BNC2: variants seen among roughly 807,000 people sequenced by gnomAD.
BNC2 encodes the protein zinc finger protein basonuclin-2.
In BNC2, 20 loss-of-function variants were observed where a neutral mutation model predicts 76.3. The ratio of observed to expected loss-of-function variants is 0.26; its 90% CI spans 0.18 to 0.38. The LOEUF is 0.38. Among genes scored for constraint, BNC2 ranks in the 10% least tolerant of loss-of-function variants. BNC2 has a pLI of 1.00. For synonymous variants in BNC2, 582 were observed against 514.8 expected (o/e 1.13, Z -1.77); for missense variants, 1,382 against 1,399.8 (o/e 0.99, Z 0.20).
intron 3 of BNC2, among the ~76,000 whole-genome samples, chr9:16,652,998 G>C (rs958089497): frequency 6.6e-6 from 1 of 152,066 alleles, no homozygotes; most frequent in East Asian, 1.9e-4. Flanking sequence ...TTGAACTCTT[G>C]ATTTCAAAAT....
chr9:16,821,966 G>A lies in BNC2; in HGVS notation c.3+48680C>T, dbSNP rs551626906. ...AAGTTAGCCAGGTGCGGTGGCGGGC[G>A]CCTGGAGTCCCAGCTACTCGGGAGG... On this transcript the variant is annotated intron_variant, in intron 1 of 6. Transcript: ENST00000380672. Among the ~76,000 whole-genome samples, 539 of 151,844 alleles carry A rather than the reference G, an allele frequency of 3.5e-3. 1 individual carries two copies. The highest frequency in any genetic ancestry group is 0.01 in the African/African-American group (427 of 41,400).
At chr9:16,643,004 AAACTGCTGTCATGGT>A (rs1821529895) in intron 3 of BNC2, among the ~76,000 whole-genome samples, 2 of 152,172 alleles carry the variant, frequency 1.3e-5, no homozygotes, top group South Asian at 2.1e-4. Context: ...TAACCCTGTA[AAACTGCTGTCATGGT>A]GCCAGGCCAA....
At chr9:16,545,984 G>T (rs1046140881) in intron 5 of BNC2, among the ~76,000 whole-genome samples, 1 of 152,198 alleles carries the variant, frequency 6.6e-6, no homozygotes, top group African/African-American at 2.4e-5. Context: ...GCCACTAGTA[G>T]TATTTCAGGA....
chr9:16,682,734 T>TA (rs1260019202), intron 3 of BNC2, among the ~76,000 whole-genome samples: 1 of 152,214 alleles, frequency 6.6e-6, no homozygotes, highest in Non-Finnish European at 1.5e-5. Flanking sequence ...TTATTTACTC[T>TA]AATTTTTTAA....
At chr9:16,527,222 G>C (rs914110687) in intron 5 of BNC2, among the ~76,000 whole-genome samples, 1 of 152,222 alleles carries the variant, frequency 6.6e-6, no homozygotes, top group African/African-American at 2.4e-5. Context: ...ATACCTGACA[G>C]ATTCACTAAC....
At chr9:16,742,815 A>T (rs1196423266) in intron 1 of BNC2, among the ~76,000 whole-genome samples, 2 of 152,320 alleles carry the variant, frequency 1.3e-5, no homozygotes, top group East Asian at 3.9e-4. Context: ...AGACTAATAA[A>T]TTATTTATTA....
At chr9:16,499,868 C>A (rs78803850) in intron 5 of BNC2, among the ~76,000 whole-genome samples, 1,721 of 152,074 alleles carry the variant, frequency 0.011, 26 homozygotes, top group Non-Finnish European at 0.014. Context: ...AATTGGTTCT[C>A]CTGGCTAAGA....
intron 3 of BNC2, among the ~76,000 whole-genome samples, chr9:16,627,882 T>G (rs1299309242): frequency 6.6e-6 from 1 of 152,166 alleles, no homozygotes; most frequent in Non-Finnish European, 1.5e-5. Context: ...AAGAGCTCAG[T>G]GTTGATAATT....
chr9:16,658,859 T>C (rs913710415), intron 3 of BNC2, among the ~76,000 whole-genome samples: 16 of 152,282 alleles, frequency 1.1e-4, no homozygotes, highest in African/African-American at 3.6e-4. Flanking sequence ...TCTTACACTC[T>C]TTTCCCTCTA....
chr9:16,548,063 C>CT (rs1420581673), intron 5 of BNC2, among the ~76,000 whole-genome samples: 1 of 152,180 alleles, frequency 6.6e-6, no homozygotes, highest in African/African-American at 2.4e-5. Flanking sequence ...TACCACTCTT[C>CT]TTATAAGGCT....
chr9:16,532,126 A>G (rs780156050), intron 5 of BNC2, among the ~76,000 whole-genome samples: 22 of 152,092 alleles, frequency 1.4e-4, no homozygotes, highest in Middle Eastern at 6.8e-3. Context: ...CTATTTAAGT[A>G]GCTTATCCTT....
chr9:16,582,892 G>GACAC (rs149223772), intron 4 of BNC2, 91 bp downstream of exon 4: 163,293 of 622,124 alleles, frequency 0.26, 11,185 homozygotes, highest in Middle Eastern at 0.32. Flanking sequence ...CCTCTAAACA[G>GACAC]ACACACACAC....
rs35589107 is a variant in BNC2, at chr9:16,695,535, C to CTT, written c.330+32260_330+32261dup. Reference sequence around the variant, plus strand: ...TAGCTAAATTTTTTTCTTTTTCTTTCTTTTTTTTTTTTTTTTTTGATAAAA... The same window carrying CTT: ...TAGCTAAATTTTTTTCTTTTTCTTTCTTTTTTTTTTTTTTTTTTTTGATAAAA... On this transcript the variant is annotated intron_variant, in intron 3 of 6. Coordinates refer to ENST00000380672, the MANE Select transcript of BNC2 (RefSeq NM_017637.6). Among the ~76,000 whole-genome samples, 1,073 of 126,976 alleles carry CTT rather than the reference C, an allele frequency of 8.5e-3. 26 individuals carry two copies. Among genetic ancestry groups the CTT allele is most frequent in the African/African-American group, 0.028 (998 of 35,188 alleles). The allele number at this position is 126,976 out of a possible 152,430, so 83.3% of individuals were successfully genotyped here. A position where few individuals can be genotyped will look rare whatever the true frequency, so the allele number is the denominator to read the frequency against.
chr9:16,731,053 G>C (rs145947238), intron 2 of BNC2, among the ~76,000 whole-genome samples: 1 of 152,270 alleles, frequency 6.6e-6, no homozygotes, highest in African/African-American at 2.4e-5. Context: ...TAGAACATTT[G>C]ACATTAGGAT....
chr9:16,531,452 A>T (rs946831344), intron 5 of BNC2, among the ~76,000 whole-genome samples: 4 of 150,494 alleles, frequency 2.7e-5, no homozygotes, highest in Non-Finnish European at 5.9e-5. Context: ...CTTTCATTTA[A>T]TTTTTTTTTT....
At chr9:16,750,568 T>C (rs75543482) in intron 1 of BNC2, among the ~76,000 whole-genome samples, 1 of 152,342 alleles carries the variant, frequency 6.6e-6, no homozygotes, top group East Asian at 1.9e-4. Flanking sequence ...GCATACCCAA[T>C]GAGCAAATGC....
At chr9:16,577,208 T>C (rs1019618078) in intron 4 of BNC2, among the ~76,000 whole-genome samples, 1 of 152,208 alleles carries the variant, frequency 6.6e-6, no homozygotes, top group Non-Finnish European at 1.5e-5. Context: ...AAATCATTTA[T>C]TGTTTATTGA....
intron 1 of BNC2, among the ~76,000 whole-genome samples, chr9:16,774,420 G>A (rs1313807141): frequency 2.0e-5 from 3 of 152,160 alleles, no homozygotes; most frequent in Non-Finnish European, 2.9e-5. Context: ...AAAAATTTCT[G>A]TAACCACCTC....
chr9:16,502,345 C>T (rs1822536646), intron 5 of BNC2, among the ~76,000 whole-genome samples: 2 of 152,146 alleles, frequency 1.3e-5, no homozygotes, highest in Admixed American at 6.6e-5. Flanking sequence ...AAGACTCTGT[C>T]TCTAACAACA....
Sources: allele counts gnomAD v4.1 joint callset (sites outside exome capture counted in the v4.1 genomes callset), GRCh38; gene constraint gnomAD v4.1.1; transcripts MANE v1.5; gene names NCBI Gene and HGNC (gene_info 2026-07-23, HGNC 2026-07-21).